Variants in USP7 observed in about 807,000 individuals in gnomAD.
USP7 encodes the protein ubiquitin specific peptidase 7.
USP7 carries 9 observed loss-of-function variants against 162.9 expected under a neutral mutation model. That is an observed-to-expected ratio of 0.06 (90% confidence interval 0.03 to 0.10). The LOEUF (loss-of-function observed/expected upper bound fraction) is 0.10. Ranked by LOEUF, USP7 falls within the 10% of genes least tolerant of loss-of-function variation. The probability of loss-of-function intolerance (pLI) is 1.00; values close to 1 mark genes in which losing one functional copy is unlikely to be tolerated. For synonymous variants in USP7, 562 were observed against 475.9 expected, an observed-to-expected ratio of 1.18 and a Z score of -2.35; for missense variants, 715 against 1,373.7, an observed-to-expected ratio of 0.52 and a Z score of 7.58.
In USP7 at chr16:8,904,793, T is replaced by A. The variant is rs1213067264; in HGVS notation, c.1574-228A>T. Reference sequence around the variant, plus strand: ...CCATCTCTACTACTAAAAAAAAAAATAAAATAAAAATAAAATAAAATACAA... The same window carrying A: ...CCATCTCTACTACTAAAAAAAAAAAAAAAATAAAAATAAAATAAAATACAA... On this transcript the variant is annotated intron_variant, in intron 14 of 30. Transcript: ENST00000344836. Among the ~76,000 whole-genome samples, 27 of 139,136 alleles carry A rather than the reference T, an allele frequency of 1.9e-4. No homozygotes were observed. Among genetic ancestry groups the A allele is most frequent in the East Asian group, 6.4e-4 (3 of 4,702 alleles). 91.3% of individuals were successfully genotyped at this position (139,136 alleles called of 152,430 possible).
At chr16:8,911,648 C>G (rs554821661) in intron 10 of USP7, among the ~76,000 whole-genome samples, 2 of 152,172 alleles carry the variant, frequency 1.3e-5, no homozygotes, top group African/African-American at 4.8e-5. Flanking sequence ...GGCTGCAGCC[C>G]GGAGAAGGCA....
chr16:8,946,397 A>G (rs1019793394), intron 1 of USP7, among the ~76,000 whole-genome samples: 2 of 152,208 alleles, frequency 1.3e-5, no homozygotes, highest in African/African-American at 2.4e-5. Flanking sequence ...CCTGGCCAAT[A>G]TGGTGAAACC....
chr16:8,940,870 G>A (rs1050500851), intron 1 of USP7, among the ~76,000 whole-genome samples: 2 of 152,168 alleles, frequency 1.3e-5, no homozygotes, highest in Non-Finnish European at 2.9e-5. Context: ...CTTATATACA[G>A]TGTCCAGAAC....
intron 1 of USP7, 42 bp from the exon 2 acceptor site, chr16:8,930,439 G>C: frequency 6.9e-7 from 1 of 1,456,072 alleles, no homozygotes; most frequent in Non-Finnish European, 9.4e-7. Flanking sequence ...TTACATTCAT[G>C]GCTTTAATAG....
intron 3 of USP7, among the ~76,000 whole-genome samples, chr16:8,922,633 C>G (rs1010866810): frequency 6.6e-6 from 1 of 152,248 alleles, no homozygotes; most frequent in Non-Finnish European, 1.5e-5. Flanking sequence ...CTGGTTCCAA[C>G]TGCAGACAGG....
chr16:8,941,737 C>A (rs889513499), intron 1 of USP7, among the ~76,000 whole-genome samples: 6 of 152,200 alleles, frequency 3.9e-5, no homozygotes, highest in African/African-American at 7.2e-5. Context: ...TTGGGTGGTG[C>A]GTGCTGTGAA....
chr16:8,956,976 A>T (rs1899837926), intron 1 of USP7, among the ~76,000 whole-genome samples: 1 of 152,066 alleles, frequency 6.6e-6, no homozygotes. Context: ...CCCTCTGCCC[A>T]TCCCATGCTG....
chr16:8,939,181 C>T (rs149952289), intron 1 of USP7, among the ~76,000 whole-genome samples: 30 of 152,112 alleles, frequency 2.0e-4, no homozygotes, highest in African/African-American at 7.2e-4. Flanking sequence ...TTTGTGTGTC[C>T]ACTACCACCA....
rs1398726089 is a variant in USP7, at chr16:8,892,545, T to A, written c.*1453A>T. 6.7e-6 allele frequency: 1 copy of A among 150,114 alleles called. No individual in the cohort carries two copies. The highest frequency in any genetic ancestry group is 1.5e-5 in the Non-Finnish European group (1 of 67,882). 9.3% of individuals were successfully genotyped at this position (150,114 alleles called of 1,614,324 possible). A position where few individuals can be genotyped will look rare whatever the true frequency, so the allele number is the denominator to read the frequency against. ...GTCACATCTCCAGTCACCTTATTTG[T>A]ACACAGTTCTCTCCTGGAAAACCTT... On this transcript the variant is annotated 3_prime_UTR_variant, in exon 31 of 31. Transcript: ENST00000344836.
At chr16:8,902,542 A>T (rs1175421315) in intron 16 of USP7, 60 bp from the exon 17 acceptor site, 1 of 1,360,980 alleles carries the variant, frequency 7.3e-7, no homozygotes, top group Admixed American at 1.9e-5. Flanking sequence ...AGTCCTCTAT[A>T]TTACACACAC....
intron 1 of USP7, among the ~76,000 whole-genome samples, chr16:8,960,328 C>A (rs1230996428): frequency 6.6e-6 from 1 of 152,186 alleles, no homozygotes; most frequent in Non-Finnish European, 1.5e-5. Flanking sequence ...CACCCTTCAT[C>A]ACTTTCCTAA....
chr16:8,902,127 C>T lies in USP7; in HGVS notation c.2002G>A (p.Glu668Lys). The change falls in exon 18 of 31, where the codon GAG becomes AAG. Residue 668 changes from glutamate (E) to lysine (K), a missense_variant. Glu to Lys is a moderately conservative substitution (Grantham distance 56). Transcript: ENST00000344836. Reference protein sequence around the residue: ...WTIFLETVDPELAASGATLPK... With the variant: ...WTIFLETVDPKLAASGATLPK... ...AAGGTCGCTCCACTAGCAGCCAGCT[C>T]GGGATCAACTGTTTCCAGGAATATT... 6.2e-7 allele frequency: 1 copy of T among 1,614,212 alleles called. No individual in the cohort carries two copies. Among genetic ancestry groups the T allele is most frequent in the Non-Finnish European group, 8.5e-7 (1 of 1,180,048 alleles).
At chr16:8,918,675 G>T (rs1246965921) in intron 6 of USP7, among the ~76,000 whole-genome samples, 2 of 152,154 alleles carry the variant, frequency 1.3e-5, no homozygotes, top group Non-Finnish European at 2.9e-5. Flanking sequence ...TGGCCGTGGT[G>T]GCGGGTGCCT....
chr16:8,945,557 C>A (rs1489232175), intron 1 of USP7, among the ~76,000 whole-genome samples: 1 of 152,118 alleles, frequency 6.6e-6, no homozygotes, highest in Non-Finnish European at 1.5e-5. Context: ...GCTAGCCATT[C>A]ATAAGAGGAA....
chr16:8,919,194 AGT>A, intron 5 of USP7, 55 bp from the exon 6 acceptor site: 2 of 1,569,814 alleles, frequency 1.3e-6, no homozygotes, highest in Middle Eastern at 1.8e-4. Flanking sequence ...TTGCTCCTGC[AGT>A]GTGTGTGAAG....
chr16:8,958,616 C>A (rs4076904), intron 1 of USP7, among the ~76,000 whole-genome samples: 38,284 of 152,052 alleles, frequency 0.25, 5,916 homozygotes, highest in African/African-American at 0.44. Context: ...GGGATAGAGA[C>A]AGCAGAGTTC....
At chr16:8,958,293 T>C (rs1044576205) in intron 1 of USP7, among the ~76,000 whole-genome samples, 4 of 152,296 alleles carry the variant, frequency 2.6e-5, no homozygotes, top group African/African-American at 9.6e-5. Context: ...CTGAACCACT[T>C]TCCTGGGGTA....
chr16:8,910,879 A>T, intron 10 of USP7, 52 bp from the exon 11 acceptor site: 1 of 1,438,484 alleles, frequency 7.0e-7, no homozygotes, highest in South Asian at 1.1e-5. Flanking sequence ...TTTATAATGT[A>T]GCCAACACAG....
intron 3 of USP7, among the ~76,000 whole-genome samples, chr16:8,922,470 G>A (rs1473805295): frequency 6.6e-5 from 10 of 152,218 alleles, no homozygotes; most frequent in Admixed American, 6.5e-4. Flanking sequence ...CCTGGCGACA[G>A]AGTGAGACTC....
Sources: allele counts gnomAD v4.1 joint callset (sites outside exome capture counted in the v4.1 genomes callset), GRCh38; gene constraint gnomAD v4.1.1; transcripts MANE v1.5; gene names NCBI Gene and HGNC (gene_info 2026-07-23, HGNC 2026-07-21).